SLC25A48: variants seen among roughly 807,000 people sequenced by gnomAD.
SLC25A48 encodes CTC-321K16.1.
In SLC25A48, 29 loss-of-function variants were observed where a neutral mutation model predicts 32.2. The observed-to-expected ratio is 0.90, with a 90% confidence interval of 0.67 to 1.23. The LOEUF is 1.23. Ranked by LOEUF, SLC25A48 falls within the 50% of genes most tolerant of loss-of-function variation. The pLI is 0.00. For synonymous variants in SLC25A48, 164 were observed against 172.3 expected (o/e 0.95, Z 0.38); for missense variants, 399 against 422.7 (o/e 0.94, Z 0.49).
intron 3 of SLC25A48, among the ~76,000 whole-genome samples, chr5:135,809,934 C>T (rs1580903533): frequency 6.6e-6 from 1 of 152,294 alleles, no homozygotes; most frequent in Middle Eastern, 3.4e-3. Context: ...ACCTCCTGGA[C>T]TCAAGCGATC....
chr5:135,783,959 CAG>C lies in SLC25A48; in HGVS notation c.-520-28563_-520-28562del, dbSNP rs1756778646. ...CCCATGTGATATTGTTGCTAATAAT[CAG>C]GGGGGAAAAGGATGATATTGCTCCC... On this transcript the variant is annotated intron_variant, in intron 3 of 10. Transcript: ENST00000646290. Among the ~76,000 whole-genome samples the C allele has an allele frequency of 1.7e-5, 2 of 117,596 alleles. 1 individual carries two copies. The highest frequency in any genetic ancestry group is 4.2e-5 in the Non-Finnish European group (2 of 47,606). 77.1% of individuals were successfully genotyped at this position (117,596 alleles called of 152,430 possible).
intron 3 of SLC25A48, among the ~76,000 whole-genome samples, chr5:135,725,071 G>C (rs114594945): frequency 0.012 from 1,810 of 152,320 alleles, 32 homozygotes; most frequent in African/African-American, 0.042. Context: ...ATCCTGAGAG[G>C]GACCTTCGTG....
At chr5:135,881,138 T>C (rs147574835) in intron 7 of SLC25A48, among the ~76,000 whole-genome samples, 70 of 152,368 alleles carry the variant, frequency 4.6e-4, no homozygotes, top group African/African-American at 1.6e-3. Flanking sequence ...CTGTGTTTTT[T>C]CTTCCTCATT....
intron 3 of SLC25A48, among the ~76,000 whole-genome samples, chr5:135,736,654 C>T (rs1224831355): frequency 6.6e-6 from 1 of 152,036 alleles, no homozygotes; most frequent in South Asian, 2.1e-4. Flanking sequence ...GGGTGAAGGA[C>T]CAAGGCAGGC....
chr5:135,603,814 G>A lies in SLC25A48; in HGVS notation c.-849+24217G>A, dbSNP rs913592705. 2.6e-5 allele frequency among the ~76,000 whole-genome samples: 4 copies of A among 152,264 alleles called. No homozygotes were observed. The South Asian group carries it at 8.3e-4, about 32-fold the overall frequency. ...AGAAGAGGCCTCACTGTCCCTACAA[G>A]GCTCTGTGACCATGATCGGGCACCC... On this transcript the variant is annotated intron_variant, in intron 1 of 10. Coordinates refer to the SLC25A48 transcript ENST00000646290.
chr5:135,806,670 T>C (rs780110379), intron 3 of SLC25A48, among the ~76,000 whole-genome samples: 6 of 150,524 alleles, frequency 4.0e-5, no homozygotes, highest in Non-Finnish European at 5.9e-5. Context: ...GTGTTAATAC[T>C]AGATATTATA....
chr5:135,864,159 A>G (rs911024779), intron 4 of SLC25A48, among the ~76,000 whole-genome samples: 3 of 152,154 alleles, frequency 2.0e-5, no homozygotes, highest in Non-Finnish European at 4.4e-5. Context: ...CCACAAAGCC[A>G]TCTGAGCCCA....
chr5:135,671,617 T>G (rs1489448693), intron 3 of SLC25A48: 1 of 152,264 alleles, frequency 6.6e-6, no homozygotes, highest in African/African-American at 2.4e-5. Context: ...CCCATTAACA[T>G]TTGATGAATC....
In SLC25A48 at chr5:135,701,309, A is replaced by C. The variant is rs937090129; in HGVS notation, c.-521+66353A>C. Among the ~76,000 whole-genome samples the C allele has an allele frequency of 8.5e-5, 13 of 152,134 alleles. 1 individual carries two copies. The highest frequency in any genetic ancestry group is 1.9e-4 in the Non-Finnish European group (13 of 68,030). ...GGCTAGTGATGGCTCCATCTAGGTC[A>C]CATCCTGAGGTTCAACAACTTCACA... is the stretch of plus-strand genomic sequence containing the variant. On this transcript the variant is annotated intron_variant, in intron 3 of 10. Coordinates refer to the SLC25A48 transcript ENST00000646290.
At chr5:135,702,627 T>C (rs1754419136) in intron 3 of SLC25A48, among the ~76,000 whole-genome samples, 1 of 152,260 alleles carries the variant, frequency 6.6e-6, no homozygotes. Context: ...CAATGGACCA[T>C]TTTATTCTTA....
At chr5:135,623,965 G>T (rs1752384229) in intron 1 of SLC25A48, among the ~76,000 whole-genome samples, 1 of 152,226 alleles carries the variant, frequency 6.6e-6, no homozygotes, top group Non-Finnish European at 1.5e-5. Context: ...AGAGCTTACA[G>T]CTCTTGGATC....
intron 1 of SLC25A48, among the ~76,000 whole-genome samples, chr5:135,840,559 AG>A (rs1360828958): frequency 2.6e-5 from 4 of 152,212 alleles, no homozygotes; most frequent in Non-Finnish European, 5.9e-5. Context: ...ACGCTTCAAG[AG>A]TCACTCCCAT....
At chr5:135,881,187 C>A (rs1003701995) in intron 7 of SLC25A48, among the ~76,000 whole-genome samples, 13 of 152,232 alleles carry the variant, frequency 8.5e-5, no homozygotes, top group Non-Finnish European at 1.8e-4. Context: ...GCTCAGAAGA[C>A]AAAGTAAGTG....
At chr5:135,741,911 T>C (rs992766929) in intron 3 of SLC25A48, among the ~76,000 whole-genome samples, 1 of 152,144 alleles carries the variant, frequency 6.6e-6, no homozygotes, top group Non-Finnish European at 1.5e-5. Flanking sequence ...TGTAATAAAC[T>C]ATCCACGTGC....
chr5:135,771,720 T>C (rs1756417162), intron 3 of SLC25A48, among the ~76,000 whole-genome samples: 1 of 151,644 alleles, frequency 6.6e-6, no homozygotes, highest in Non-Finnish European at 1.5e-5. Flanking sequence ...TCATGTGATA[T>C]TGTTTGTAAT....
At chr5:135,767,231 G>A (rs899580642) in intron 3 of SLC25A48, among the ~76,000 whole-genome samples, 7 of 151,650 alleles carry the variant, frequency 4.6e-5, no homozygotes, top group African/African-American at 1.7e-4. Context: ...AGTGGGAGAG[G>A]GTGATATTAC....
upstream of SLC25A48, among the ~76,000 whole-genome samples, chr5:135,829,953 G>A (rs912303390): frequency 1.1e-4 from 16 of 152,140 alleles, no homozygotes; most frequent in African/African-American, 3.9e-4. Flanking sequence ...GGGCCAGCTC[G>A]GAGCCCTGAG....
chr5:135,770,661 CT>C (rs1002747139), intron 3 of SLC25A48, among the ~76,000 whole-genome samples: 1 of 151,614 alleles, frequency 6.6e-6, no homozygotes, highest in Non-Finnish European at 1.5e-5. Flanking sequence ...TGTACACCCC[CT>C]CGCGATATTG....
chr5:135,654,335 A>G (rs1753192837), intron 3 of SLC25A48, among the ~76,000 whole-genome samples: 1 of 152,206 alleles, frequency 6.6e-6, no homozygotes. Context: ...AGTCGATTCC[A>G]ATATTCTATA....
Sources: allele counts gnomAD v4.1 joint callset (sites outside exome capture counted in the v4.1 genomes callset), GRCh38; gene constraint gnomAD v4.1.1; transcripts MANE v1.5; gene names NCBI Gene and HGNC (gene_info 2026-07-23, HGNC 2026-07-21).